Variants in SHANK2 observed in about 807,000 individuals in gnomAD.
SHANK2 encodes the protein SH3 and multiple ankyrin repeat domains protein 2.
SHANK2 carries 43 observed loss-of-function variants against 133.7 expected under a neutral mutation model. The ratio of observed to expected loss-of-function variants is 0.32; its 90% CI spans 0.25 to 0.41. SHANK2 has a LOEUF of 0.41. Ranked by LOEUF, SHANK2 falls within the 10% of genes least tolerant of loss-of-function variation. The pLI, the probability that SHANK2 is intolerant of heterozygous loss-of-function variation, is 1.00. For synonymous variants in SHANK2, 1,017 were observed against 952.8 expected (o/e 1.07, Z -1.24); for missense variants, 1,994 against 2,235.8 (o/e 0.89, Z 2.18).
intron 11 of SHANK2, among the ~76,000 whole-genome samples, chr11:70,859,881 C>A (rs1949229859): frequency 6.6e-6 from 1 of 152,164 alleles, no homozygotes; most frequent in African/African-American, 2.4e-5. Flanking sequence ...GAGCACCGCA[C>A]CTCCAGGGAC....
At chr11:70,866,931 C>A (rs781992627) in intron 11 of SHANK2, among the ~76,000 whole-genome samples, 15 of 152,014 alleles carry the variant, frequency 9.9e-5, no homozygotes, top group Non-Finnish European at 2.1e-4. Context: ...GACAGATCAA[C>A]AACCACACCA....
intron 9 of SHANK2, among the ~76,000 whole-genome samples, chr11:71,073,127 GTTTTTTTTCTT>G (rs1951164386): frequency 1.1e-5 from 1 of 93,782 alleles, no homozygotes; most frequent in Admixed American, 1.1e-4. Context: ...CTTGCTTTTT[GTTTTTTTTCTT>G]TTTCTTTTCT....
At chr11:70,635,090 G>A (rs1227688522) in intron 17 of SHANK2, 5 of 152,214 alleles carry the variant, frequency 3.3e-5, no homozygotes, top group Admixed American at 1.3e-4. Flanking sequence ...TGGAGCCCTT[G>A]GGCACCGCTG....
At chr11:70,853,124 C>G (rs868967644) in intron 11 of SHANK2, among the ~76,000 whole-genome samples, 14 of 152,216 alleles carry the variant, frequency 9.2e-5, no homozygotes, top group Admixed American at 2.6e-4. Flanking sequence ...GACAGCAATC[C>G]TTGGCAGGGT....
At chr11:70,809,601 T>C (rs1284448181) in intron 12 of SHANK2, among the ~76,000 whole-genome samples, 4 of 152,192 alleles carry the variant, frequency 2.6e-5, no homozygotes, top group Non-Finnish European at 5.9e-5. Flanking sequence ...GATCTGGCCA[T>C]GGGGACCTTA....
intron 15 of SHANK2, chr11:70,661,896 C>T (rs1246322140): frequency 1.5e-6 from 2 of 1,309,870 alleles, no homozygotes; most frequent in African/African-American, 1.5e-5. Flanking sequence ...ATGAGACTTG[C>T]AGGGTGGGGG....
intron 2 of SHANK2, among the ~76,000 whole-genome samples, chr11:71,178,213 AATGTG>A (rs1953483273): frequency 6.6e-6 from 1 of 152,232 alleles, no homozygotes; most frequent in Non-Finnish European, 1.5e-5. Flanking sequence ...GAATAAATAG[AATGTG>A]GTCTATTCAT....
In SHANK2 at chr11:70,486,109, G is replaced by A. The variant is rs1240477990; in HGVS notation, c.4184C>T (p.Pro1395Leu). 9 of 1,613,874 alleles carry A rather than the reference G, an allele frequency of 5.6e-6. No individual in the cohort carries two copies. Among genetic ancestry groups the A allele is most frequent in the Middle Eastern group, 1.6e-4 (1 of 6,084 alleles). ...VILPFRIPPP[P>L]LASVDLDEDF... ...CTCATCCAAGTCCACGGATGCCAGAGGGGGAGGAGGGATGCGGAATGGCAA... is the reference window on the plus strand; with the variant it reads ...CTCATCCAAGTCCACGGATGCCAGAAGGGGAGGAGGGATGCGGAATGGCAA... Residue 1395 changes from proline (P) to leucine (L), a missense_variant, in exon 25 of 26, where the codon CCT becomes CTT. Coordinates refer to ENST00000601538, the MANE Select transcript of SHANK2 (RefSeq NM_012309.5). The surrounding 1 kb of genome is among the most constrained non-coding windows in gnomAD (Gnocchi z 8.0).
chr11:70,889,306 C>T (rs898122214), intron 11 of SHANK2, among the ~76,000 whole-genome samples: 7 of 152,142 alleles, frequency 4.6e-5, no homozygotes, highest in Non-Finnish European at 1.0e-4. Flanking sequence ...ACTTCAGAGG[C>T]AAGGAAGGAT....
chr11:70,833,165 G>A (rs757052724), intron 11 of SHANK2, among the ~76,000 whole-genome samples: 2 of 152,238 alleles, frequency 1.3e-5, no homozygotes, highest in African/African-American at 4.8e-5. Flanking sequence ...CACAGAAGCC[G>A]GCGAGTGTGG....
chr11:70,840,217 G>A (rs1365137094), intron 11 of SHANK2, among the ~76,000 whole-genome samples: 1 of 152,234 alleles, frequency 6.6e-6, no homozygotes, highest in East Asian at 1.9e-4. Context: ...CCAACCAGAG[G>A]TGTCCCGACT....
intron 13 of SHANK2, among the ~76,000 whole-genome samples, chr11:70,803,764 G>A (rs1269292394): frequency 6.6e-6 from 1 of 151,264 alleles, no homozygotes; most frequent in Non-Finnish European, 1.5e-5. Flanking sequence ...GGAGTGGAGG[G>A]AAGAATGTGC....
intron 13 of SHANK2, among the ~76,000 whole-genome samples, chr11:70,805,358 G>T (rs1555051595): frequency 6.6e-6 from 1 of 152,230 alleles, no homozygotes; most frequent in African/African-American, 2.4e-5. Flanking sequence ...TGGGCCTAGG[G>T]GGTGGCCCTG....
chr11:71,241,948 G>A (rs1467927635), intron 1 of SHANK2, among the ~76,000 whole-genome samples: 1 of 152,226 alleles, frequency 6.6e-6, no homozygotes, highest in African/African-American at 2.4e-5. Context: ...CATGTTCGCA[G>A]TAGCATTATT....
rs1948490787 is a variant in SHANK2, at chr11:70,820,387, C to A, written c.1470G>T (p.Arg490Ser). ...RLGGAGEDGK[R>S]PQPLWHVGSP... The stretch of plus-strand genomic sequence containing the variant: ...ACCCGACATGCCAGAGAGGCTGCGG[C>A]CTCTTGCCGTCCTCGCCTGCGCCGC... Residue 490 changes from arginine (R) to serine (S), a missense_variant, in exon 12 of 26, where the codon AGG becomes AGT. Around this residue, in one of 5 missense-constraint regions of SHANK2, gnomAD observed 653 missense variants for 563.4 expected, o/e 1.16. Transcript: ENST00000601538. 1 of 658,686 alleles carries A rather than the reference C, an allele frequency of 1.5e-6. No individual in the cohort carries two copies. Among genetic ancestry groups the A allele is most frequent in the African/African-American group, 1.8e-5 (1 of 55,504 alleles). 40.8% of individuals were successfully genotyped at this position (658,686 alleles called of 1,614,324 possible).
intron 17 of SHANK2, among the ~76,000 whole-genome samples, chr11:70,652,380 T>C (rs570323505): frequency 6.6e-6 from 1 of 152,330 alleles, no homozygotes; most frequent in East Asian, 1.9e-4. Context: ...GCTACATGCT[T>C]CAAATAATAG....
chr11:70,699,994 C>A (rs1449327529), intron 14 of SHANK2, among the ~76,000 whole-genome samples: 1 of 152,222 alleles, frequency 6.6e-6, no homozygotes, highest in Non-Finnish European at 1.5e-5. Flanking sequence ...CAGCTCAACG[C>A]TCAGGCCTCT....
Position 70,569,602 on chromosome 11 carries a change from A to T in SHANK2, c.2062-66671T>A, listed in dbSNP as rs1227101376. On this transcript the variant is annotated intron_variant, in intron 17 of 25. Coordinates refer to ENST00000601538, the MANE Select transcript of SHANK2 (RefSeq NM_012309.5). The surrounding 1 kb of genome is among the most constrained non-coding windows in gnomAD (Gnocchi z 5.1). ...CCTCCCCACGTGGAGGATACCGAGG[A>T]GGTTAGGACAGCCCTCGGGCTCAGG... Among the ~76,000 whole-genome samples the T allele has an allele frequency of 6.6e-6, 1 of 151,862 alleles. No homozygotes were observed. The highest frequency in any genetic ancestry group is 2.4e-5 in the African/African-American group (1 of 41,318).
chr11:71,089,929 C>T (rs1951477512), intron 8 of SHANK2, among the ~76,000 whole-genome samples: 1 of 152,186 alleles, frequency 6.6e-6, no homozygotes, highest in African/African-American at 2.4e-5. Flanking sequence ...AGGACAGAAA[C>T]ACTGGCGAGT....
Sources: gnomAD v4.1 joint callset for allele counts (sites outside exome capture counted in the v4.1 genomes callset) on GRCh38, gnomAD v4.1.1 for gene constraint, gnomAD v4.1.1 regional missense constraint, Gnocchi (gnomAD v3.1) non-coding constraint, MANE v1.5 for transcripts, NCBI Gene and HGNC (gene_info 2026-07-23, HGNC 2026-07-21) for gene names.